SNTG1: variants seen among roughly 807,000 people sequenced by gnomAD.
The protein encoded by SNTG1 is syntrophin gamma 1.
A neutral mutation model predicts 74.7 loss-of-function variants in SNTG1; 39 were observed. That is an observed-to-expected ratio of 0.52 (90% CI 0.40 to 0.68). The LOEUF is 0.68. Among genes scored for constraint, SNTG1 ranks in the 30% least tolerant of loss-of-function variants. The pLI, the probability that SNTG1 is intolerant of heterozygous loss-of-function variation, is 0.00. For missense variants in SNTG1, 685 were observed against 609.5 expected (o/e 1.12, Z -1.30); for synonymous variants, 254 against 217.1 (o/e 1.17, Z -1.49).
chr8:49,947,878 C>G (rs1809346457), intron 1 of SNTG1, among the ~76,000 whole-genome samples: 1 of 152,144 alleles, frequency 6.6e-6, no homozygotes, highest in South Asian at 2.1e-4. Flanking sequence ...TGCCTATAAT[C>G]TCATCACTTT....
intron 13 of SNTG1, among the ~76,000 whole-genome samples, chr8:50,602,215 C>G (rs909431823): frequency 6.6e-6 from 1 of 151,664 alleles, no homozygotes; most frequent in African/African-American, 2.4e-5. Context: ...TCTAGTCTTC[C>G]TTTTAGTTAA....
rs1004423296 is a variant in SNTG1, at chr8:50,299,732, T to C, written c.-27-94480T>C. Among the ~76,000 whole-genome samples, 4 of 152,158 alleles carry C rather than the reference T, an allele frequency of 2.6e-5. 1 individual carries two copies. Among genetic ancestry groups the C allele is most frequent in the African/African-American group, 9.6e-5 (4 of 41,452 alleles). On this transcript the variant is annotated intron_variant, in intron 2 of 18. Transcript: ENST00000642720. Reference sequence around the variant, plus strand: ...TGTACTAAACCTTGTCTGTACCATATTTATTTTTATTGGGATCTCCGTTAG... The same window carrying C: ...TGTACTAAACCTTGTCTGTACCATACTTATTTTTATTGGGATCTCCGTTAG...
chr8:49,959,525 T>C (rs1810492946), intron 1 of SNTG1, among the ~76,000 whole-genome samples: 1 of 152,252 alleles, frequency 6.6e-6, no homozygotes, highest in African/African-American at 2.4e-5. Flanking sequence ...GGACATTTCA[T>C]ATAAATGGAA....
chr8:50,778,992 T>C (rs1263572759), intron 18 of SNTG1, among the ~76,000 whole-genome samples: 2 of 152,174 alleles, frequency 1.3e-5, no homozygotes, highest in Non-Finnish European at 2.9e-5. Context: ...TTCTCAGGTT[T>C]GTCAAAGATC....
intron 2 of SNTG1, among the ~76,000 whole-genome samples, chr8:50,379,265 G>C (rs977898994): frequency 3.9e-5 from 6 of 152,172 alleles, no homozygotes; most frequent in Non-Finnish European, 8.8e-5. Context: ...ATCAGAGTAA[G>C]TGCTCACAGC....
chr8:50,421,404 A>G (rs190643846), intron 4 of SNTG1, among the ~76,000 whole-genome samples: 96 of 152,234 alleles, frequency 6.3e-4, no homozygotes, highest in Non-Finnish European at 5.9e-5. Context: ...CATTGCCATG[A>G]CATTTGTAAA....
intron 2 of SNTG1, among the ~76,000 whole-genome samples, chr8:50,254,125 A>G (rs2086771473): frequency 6.6e-6 from 1 of 152,196 alleles, no homozygotes; most frequent in African/African-American, 2.4e-5. Flanking sequence ...TCATTATACA[A>G]TGTATATATG....
At chr8:50,359,758 A>G (rs2091910008) in intron 2 of SNTG1, among the ~76,000 whole-genome samples, 1 of 152,206 alleles carries the variant, frequency 6.6e-6, no homozygotes, top group Admixed American at 6.5e-5. Flanking sequence ...ATTTTAAGGT[A>G]GAAAACTTTA....
chr8:50,554,633 C>T (rs1045565801), intron 12 of SNTG1, among the ~76,000 whole-genome samples: 14 of 151,694 alleles, frequency 9.2e-5, no homozygotes, highest in Admixed American at 7.9e-4. Flanking sequence ...GGTGTTGTCA[C>T]CATATTAGAG....
chr8:50,324,938 CATATATAT>C (rs201152206), intron 2 of SNTG1, among the ~76,000 whole-genome samples: 15,896 of 133,768 alleles, frequency 0.12, 1,070 homozygotes, highest in South Asian at 0.22. Context: ...GCATTTTATA[CATATATAT>C]ATATATATAT....
At chr8:50,281,445 A>T (rs2088449940) in intron 2 of SNTG1, among the ~76,000 whole-genome samples, 2 of 152,226 alleles carry the variant, frequency 1.3e-5, no homozygotes, top group South Asian at 4.1e-4. Context: ...GTCTATCCAC[A>T]CATGAGCTGT....
chr8:50,186,033 T>C (rs1433478469), intron 2 of SNTG1, among the ~76,000 whole-genome samples: 1 of 152,102 alleles, frequency 6.6e-6, no homozygotes, highest in African/African-American at 2.4e-5. Flanking sequence ...GTGTGTGTTG[T>C]TCCTCTCCCT....
intron 2 of SNTG1, among the ~76,000 whole-genome samples, chr8:50,187,045 G>A (rs1344958476): frequency 6.6e-6 from 1 of 152,018 alleles, no homozygotes; most frequent in Non-Finnish European, 1.5e-5. Flanking sequence ...AATCCATCTT[G>A]AGTTAATTTT....
chr8:50,283,312 C>T, intron 2 of SNTG1, among the ~76,000 whole-genome samples: 1 of 152,140 alleles, frequency 6.6e-6, no homozygotes, highest in East Asian at 1.9e-4. Context: ...TTATCAGAAA[C>T]ATGTAATTGT....
At chr8:50,776,452 T>G (rs970815109) in intron 18 of SNTG1, among the ~76,000 whole-genome samples, 3 of 147,454 alleles carry the variant, frequency 2.0e-5, no homozygotes, top group Non-Finnish European at 4.5e-5. Flanking sequence ...TTTAAGCATA[T>G]ATTAACATAT....
chr8:50,243,067 A>G (rs2086236083), intron 2 of SNTG1, among the ~76,000 whole-genome samples: 2 of 152,110 alleles, frequency 1.3e-5, no homozygotes, highest in African/African-American at 4.8e-5. Context: ...CTGAGAGTTA[A>G]TTACATGTGA....
chr8:50,723,414 A>G (rs971421286), intron 17 of SNTG1, among the ~76,000 whole-genome samples: 2 of 152,174 alleles, frequency 1.3e-5, no homozygotes, highest in South Asian at 2.1e-4. Flanking sequence ...TCTCGAGAGA[A>G]GACAGAGACC....
rs189224592 is a variant in SNTG1 at position 50,454,579 on chromosome 8, C to A, written c.363+3850C>A. 2.2e-3 allele frequency among the ~76,000 whole-genome samples: 334 copies of A among 149,536 alleles called. 1 individual carries two copies. The highest frequency in any genetic ancestry group is 0.011 in the Middle Eastern group (3 of 266). On this transcript the variant is annotated intron_variant, in intron 8 of 18. Transcript: ENST00000642720. Reference sequence around the variant, plus strand: ...CTGGGTGGCAGGGCGTGGTGGCTCACGCCTGTAATCCCAGCACTTTGGGAG... The same window carrying A: ...CTGGGTGGCAGGGCGTGGTGGCTCAAGCCTGTAATCCCAGCACTTTGGGAG...
At chr8:50,372,317 A>AT in intron 2 of SNTG1, among the ~76,000 whole-genome samples, 1 of 151,850 alleles carries the variant, frequency 6.6e-6, no homozygotes, top group East Asian at 1.9e-4. Context: ...GATCTAACAT[A>AT]AAATATCTTA....
Sources: gnomAD v4.1 joint callset for allele counts (sites outside exome capture counted in the v4.1 genomes callset) on GRCh38, gnomAD v4.1.1 for gene constraint, MANE v1.5 for transcripts, NCBI Gene and HGNC (gene_info 2026-07-23, HGNC 2026-07-21) for gene names.